TBC1D19: variants seen among roughly 807,000 people sequenced by gnomAD.
TBC1D19 encodes the protein TBC1 domain family member 19.
A neutral mutation model predicts 89.0 loss-of-function variants in TBC1D19; 60 were observed. The ratio of observed to expected loss-of-function variants is 0.67; its 90% CI spans 0.55 to 0.84. The LOEUF is 0.84. Ranked by LOEUF, TBC1D19 falls within the 40% of genes least tolerant of loss-of-function variation. The probability of loss-of-function intolerance (pLI) is 0.00; values close to 1 mark genes in which losing one functional copy is unlikely to be tolerated. For missense variants in TBC1D19, 500 were observed against 610.8 expected, an observed-to-expected ratio of 0.82 and a Z score of 1.91; for synonymous variants, 189 against 199.7, an observed-to-expected ratio of 0.95 and a Z score of 0.45.
At chr4:26,714,583 G>A (rs1049822340) in intron 13 of TBC1D19, among the ~76,000 whole-genome samples, 2 of 151,936 alleles carry the variant, frequency 1.3e-5, no homozygotes, top group East Asian at 3.9e-4. Context: ...TCAGCATTTT[G>A]CGGACCTAAA....
chr4:26,637,361 G>C (rs1743198009), intron 5 of TBC1D19, 76 bp downstream of exon 5: 3 of 1,158,422 alleles, frequency 2.6e-6, no homozygotes, highest in Non-Finnish European at 3.8e-6. Flanking sequence ...TTATATAACT[G>C]TTAGGCACAT....
intron 1 of TBC1D19, chr4:26,585,096 T>C (rs376444435): frequency 5.1e-6 from 2 of 394,234 alleles, no homozygotes; most frequent in African/African-American, 2.1e-5. Context: ...GTAAAGCTGA[T>C]ATATACATTC....
At chr4:26,612,528 T>C (rs1452219834) in intron 1 of TBC1D19, among the ~76,000 whole-genome samples, 1 of 152,018 alleles carries the variant, frequency 6.6e-6, no homozygotes, top group Non-Finnish European at 1.5e-5. Context: ...TGCTAGAATT[T>C]GACAGAGCTA....
At position 26,735,019 on chromosome 4, in the gene TBC1D19, T is replaced by C. The variant is rs10552154; in HGVS notation, c.1085-436T>C. On this transcript the variant is annotated intron_variant, in intron 15 of 20. Coordinates refer to ENST00000264866, the MANE Select transcript of TBC1D19 (RefSeq NM_018317.4). ...ATGTATACACATATGTATATGTGTA[T>C]ACACATGTATATATGTATATGTGTA... Among the ~76,000 whole-genome samples, 470 of 89,308 alleles carry C rather than the reference T, an allele frequency of 5.3e-3. 4 individuals are homozygous for C. The highest frequency in any genetic ancestry group is 0.021 in the South Asian group (50 of 2,342). The allele number at this position is 89,308 out of a possible 152,430, so 58.6% of individuals were successfully genotyped here.
At chr4:26,591,947 C>A (rs1739840009) in intron 1 of TBC1D19, among the ~76,000 whole-genome samples, 1 of 152,084 alleles carries the variant, frequency 6.6e-6, no homozygotes, top group African/African-American at 2.4e-5. Flanking sequence ...GAAACTATTC[C>A]AATCAATAGA....
At chr4:26,682,062 G>A (rs1171705463) in intron 11 of TBC1D19, among the ~76,000 whole-genome samples, 1 of 152,048 alleles carries the variant, frequency 6.6e-6, no homozygotes, top group Non-Finnish European at 1.5e-5. Context: ...ACTCTAGATT[G>A]TTTCACTTGT....
chr4:26,759,485 A>G (rs1365158884), downstream of TBC1D19, among the ~76,000 whole-genome samples: 1 of 152,122 alleles, frequency 6.6e-6, no homozygotes, highest in African/African-American at 2.4e-5. Context: ...TGTATATTTT[A>G]TGTAAAATAA....
At chr4:26,583,780 T>C (rs772812635), upstream of TBC1D19, 20 of 185,130 alleles carry the variant, frequency 1.1e-4, 1 homozygote, top group Admixed American at 3.9e-4. Context: ...GCAGTATCAT[T>C]GCGTGCCACA....
chr4:26,737,470 C>A (rs1718116862), intron 16 of TBC1D19, among the ~76,000 whole-genome samples: 1 of 152,172 alleles, frequency 6.6e-6, no homozygotes, highest in African/African-American at 2.4e-5. Flanking sequence ...TTGGAGGATA[C>A]TTGATGTCAT....
chr4:26,653,933 T>G (rs568294300), intron 7 of TBC1D19, among the ~76,000 whole-genome samples: 3 of 152,342 alleles, frequency 2.0e-5, no homozygotes, highest in African/African-American at 4.8e-5. Context: ...TAGCTGGTTA[T>G]TTTGCTCATT....
chr4:26,837,485 A>G, the TBC1D19 span, among the ~76,000 whole-genome samples: 2 of 152,228 alleles, frequency 1.3e-5, no homozygotes, highest in Non-Finnish European at 1.5e-5. Context: ...TGTCAGGAAG[A>G]TATCAGGAAG....
At chr4:26,813,611 C>T in the TBC1D19 span, among the ~76,000 whole-genome samples, 4 of 152,112 alleles carry the variant, frequency 2.6e-5, no homozygotes, top group Non-Finnish European at 5.9e-5. Context: ...CACATCTGGC[C>T]CACAGAGCTT....
At chr4:26,741,362 CAAAAAA>C (rs34342483) in intron 17 of TBC1D19, among the ~76,000 whole-genome samples, 2 of 73,656 alleles carry the variant, frequency 2.7e-5, no homozygotes, top group Admixed American at 1.6e-4. Flanking sequence ...GACTCTGTCT[CAAAAAA>C]AAAAAAAAAA....
the TBC1D19 span, among the ~76,000 whole-genome samples, chr4:26,794,899 G>A: frequency 6.6e-6 from 1 of 152,138 alleles, no homozygotes; most frequent in African/African-American, 2.4e-5. Flanking sequence ...GTGTGAACCT[G>A]GCCCAAGTTG....
chr4:26,656,822 G>A (rs1744853002), intron 7 of TBC1D19, among the ~76,000 whole-genome samples: 1 of 152,066 alleles, frequency 6.6e-6, no homozygotes, highest in African/African-American at 2.4e-5. Flanking sequence ...GCCTCCCAAA[G>A]TGCTGGGATT....
At chr4:26,746,943 G>A (rs941355003) in intron 18 of TBC1D19, among the ~76,000 whole-genome samples, 8 of 152,284 alleles carry the variant, frequency 5.3e-5, no homozygotes, top group Non-Finnish European at 8.8e-5. Flanking sequence ...TGGGTAGCAC[G>A]TACAGCATAG....
At chr4:26,832,492 C>T in the TBC1D19 span, among the ~76,000 whole-genome samples, 1 of 152,216 alleles carries the variant, frequency 6.6e-6, no homozygotes, top group African/African-American at 2.4e-5. Flanking sequence ...AAACACCGGT[C>T]CTCTTATTAC....
chr4:26,842,103 CA>C, the TBC1D19 span, among the ~76,000 whole-genome samples: 2 of 151,984 alleles, frequency 1.3e-5, no homozygotes, highest in Non-Finnish European at 2.9e-5. Flanking sequence ...CAAAGGCCAC[CA>C]AATTTTTATT....
chr4:26,847,457 A>C, the TBC1D19 span, among the ~76,000 whole-genome samples: 1 of 152,182 alleles, frequency 6.6e-6, no homozygotes, highest in African/African-American at 2.4e-5. Context: ...AGAACGTTCT[A>C]GGCAGAAGGA....
Sources: gnomAD v4.1 joint callset for allele counts (sites outside exome capture counted in the v4.1 genomes callset) on GRCh38, gnomAD v4.1.1 for gene constraint, MANE v1.5 for transcripts, NCBI Gene and HGNC (gene_info 2026-07-23, HGNC 2026-07-21) for gene names.